Variants in ACVR2A observed in about 807,000 individuals in gnomAD.
The protein encoded by ACVR2A is activin receptor type-2A.
Under a neutral mutation model 61.4 loss-of-function variants are expected in ACVR2A, and 7 were observed. The ratio of observed to expected loss-of-function variants is 0.11; its 90% CI spans 0.06 to 0.21. ACVR2A has a LOEUF of 0.21. Ranked by LOEUF, ACVR2A falls within the 10% of genes least tolerant of loss-of-function variation. The probability of loss-of-function intolerance (pLI) is 1.00; values close to 1 mark genes in which losing one functional copy is unlikely to be tolerated. For synonymous variants in ACVR2A, 193 were observed against 208.3 expected, an observed-to-expected ratio of 0.93 and a Z score of 0.63; for missense variants, 322 against 621.7, an observed-to-expected ratio of 0.52 and a Z score of 5.13.
intron 1 of ACVR2A, among the ~76,000 whole-genome samples, chr2:147,884,928 G>T (rs913017837): frequency 6.6e-6 from 1 of 152,014 alleles, no homozygotes; most frequent in Non-Finnish European, 1.5e-5. Context: ...CAATACTACA[G>T]AATATAGAAT....
chr2:147,855,869 TTCTC>T (rs1460909962), intron 1 of ACVR2A, among the ~76,000 whole-genome samples: 1 of 152,230 alleles, frequency 6.6e-6, no homozygotes, highest in Admixed American at 6.5e-5. Flanking sequence ...GCATTCCTAT[TTCTC>T]TCTGAAATTG....
intron 1 of ACVR2A, among the ~76,000 whole-genome samples, chr2:147,864,257 TCTAA>T (rs1295311103): frequency 6.6e-6 from 1 of 152,018 alleles, no homozygotes; most frequent in Non-Finnish European, 1.5e-5. Flanking sequence ...TGAGAGGGAG[TCTAA>T]CTGTGTCACC....
intron 4 of ACVR2A, among the ~76,000 whole-genome samples, chr2:147,908,064 G>GA (rs1013093217): frequency 0.026 from 2,782 of 105,982 alleles, 40 homozygotes; most frequent in African/African-American, 0.05. Flanking sequence ...AGAAAAAAAA[G>GA]AAAAAAAAAG....
chr2:147,852,046 C>G (rs973521923), intron 1 of ACVR2A, among the ~76,000 whole-genome samples: 1 of 151,806 alleles, frequency 6.6e-6, no homozygotes, highest in Admixed American at 6.6e-5. Flanking sequence ...TGATTTTGCT[C>G]ATTGTTTTGA....
chr2:147,906,298 A>G (rs1014446815), intron 4 of ACVR2A, among the ~76,000 whole-genome samples: 3 of 151,978 alleles, frequency 2.0e-5, no homozygotes, highest in African/African-American at 7.2e-5. Flanking sequence ...TTAACCGCTC[A>G]CTCAATGCTT....
chr2:147,923,265 G>A (rs931058720), intron 9 of ACVR2A, among the ~76,000 whole-genome samples, 154 bp downstream of exon 9: 2 of 151,976 alleles, frequency 1.3e-5, no homozygotes, highest in Non-Finnish European at 2.9e-5. Flanking sequence ...GGAGCAGTGG[G>A]TGGGGTAGGA....
At chr2:147,857,335 A>G (rs1041346427) in intron 1 of ACVR2A, among the ~76,000 whole-genome samples, 1 of 152,070 alleles carries the variant, frequency 6.6e-6, no homozygotes, top group African/African-American at 2.4e-5. Context: ...GTATTTTTGT[A>G]ATTAATATCT....
At position 147,923,191 on chromosome 2, in the gene ACVR2A, A is replaced by G. The variant is rs893338534; in HGVS notation, c.1216+80A>G. On this transcript the variant is annotated intron_variant, in intron 9 of 10. Transcript: ENST00000241416. ...AAAAGGGATGATACACTCCAAGGTA[A>G]TATTTTAAAGTACAGTTTTTTTTTA... 27 of 1,449,520 alleles carry G rather than the reference A, an allele frequency of 1.9e-5. No individual in the cohort carries two copies. The African/African-American group carries it at 3.1e-4, about 17-fold the overall frequency. The allele number at this position is 1,449,520 out of a possible 1,614,324, so 89.8% of individuals were successfully genotyped here. A position where few individuals can be genotyped will look rare whatever the true frequency, so the allele number is the denominator to read the frequency against.
chr2:147,878,685 G>A (rs1686219228), intron 1 of ACVR2A, among the ~76,000 whole-genome samples: 1 of 152,012 alleles, frequency 6.6e-6, no homozygotes, highest in Non-Finnish European at 1.5e-5. Context: ...GAGGTTGGTG[G>A]ATTGCTTGAG....
At chr2:147,870,522 C>G (rs1685986123) in intron 1 of ACVR2A, among the ~76,000 whole-genome samples, 2 of 152,172 alleles carry the variant, frequency 1.3e-5, no homozygotes, top group African/African-American at 4.8e-5. Context: ...CTGTGGGCTG[C>G]CCGGTATGGA....
chr2:147,904,082 G>T (rs1328875682), intron 4 of ACVR2A, among the ~76,000 whole-genome samples: 1 of 151,972 alleles, frequency 6.6e-6, no homozygotes, highest in Non-Finnish European at 1.5e-5. Flanking sequence ...ATAAGAGAAT[G>T]ACATTATTCA....
chr2:147,869,602 T>A (rs1219958718), intron 1 of ACVR2A, among the ~76,000 whole-genome samples: 1 of 152,232 alleles, frequency 6.6e-6, no homozygotes, highest in Non-Finnish European at 1.5e-5. Flanking sequence ...CTGTGGCCTA[T>A]GCTTATGCTC....
intron 1 of ACVR2A, among the ~76,000 whole-genome samples, chr2:147,868,991 C>A (rs1207251737): frequency 3.3e-5 from 5 of 151,808 alleles, no homozygotes; most frequent in Admixed American, 6.6e-5. Flanking sequence ...TTTTTCAGTT[C>A]TCTTCCTAAA....
At chr2:147,859,404 A>G (rs1461786579) in intron 1 of ACVR2A, among the ~76,000 whole-genome samples, 3 of 151,940 alleles carry the variant, frequency 2.0e-5, no homozygotes, top group Non-Finnish European at 4.4e-5. Flanking sequence ...AAAGGTGGAG[A>G]GAAGAGTGCA....
intron 1 of ACVR2A, among the ~76,000 whole-genome samples, chr2:147,846,208 A>G (rs1423489063): frequency 6.6e-6 from 1 of 152,060 alleles, no homozygotes; most frequent in African/African-American, 2.4e-5. Context: ...CATTTTAAAT[A>G]AGTCTCATTG....
rs891456187 is a variant in ACVR2A, at chr2:147,877,244, T to C, written c.56-19057T>C. Among the ~76,000 whole-genome samples, 5 of 152,324 alleles carry C rather than the reference T, an allele frequency of 3.3e-5. No individual in the cohort carries two copies. In the East Asian group the frequency reaches 7.7e-4, roughly 23 times the overall value. On this transcript the variant is annotated intron_variant, in intron 1 of 10. Transcript: ENST00000241416. Reference sequence around the variant, plus strand: ...GTCTTATGTTTAAATGTTTCACTAATAGAAGACTGGGAACAGTTCCCAATA... The same window carrying C: ...GTCTTATGTTTAAATGTTTCACTAACAGAAGACTGGGAACAGTTCCCAATA...
intron 1 of ACVR2A, among the ~76,000 whole-genome samples, chr2:147,868,184 T>C (rs1391728433): frequency 6.6e-6 from 1 of 151,912 alleles, no homozygotes; most frequent in East Asian, 1.9e-4. Context: ...TACAAGGAGG[T>C]AGTGGCATTT....
intron 1 of ACVR2A, among the ~76,000 whole-genome samples, chr2:147,857,172 A>G (rs1685600952): frequency 6.6e-6 from 1 of 152,082 alleles, no homozygotes; most frequent in African/African-American, 2.4e-5. Flanking sequence ...GGGTGGTTAT[A>G]CTTTATTTTC....
chr2:147,849,342 G>C (rs1251353381), intron 1 of ACVR2A, among the ~76,000 whole-genome samples: 1 of 152,062 alleles, frequency 6.6e-6, no homozygotes, highest in African/African-American at 2.4e-5. Context: ...GTAACATGTT[G>C]CCTGAAATAT....
Sources: allele counts gnomAD v4.1 joint callset (sites outside exome capture counted in the v4.1 genomes callset), GRCh38; gene constraint gnomAD v4.1.1; transcripts MANE v1.5; gene names NCBI Gene and HGNC (gene_info 2026-07-23, HGNC 2026-07-21).